Variants in FOXO1 observed in about 807,000 individuals in gnomAD.
The protein encoded by FOXO1 is forkhead box protein O1.
Under a neutral mutation model 44.1 loss-of-function variants are expected in FOXO1, and 6 were observed. The ratio of observed to expected loss-of-function variants is 0.14; its 90% CI spans 0.07 to 0.27. The LOEUF (loss-of-function observed/expected upper bound fraction) is 0.27, where lower values mean the gene tolerates loss of function less well. FOXO1 is among the 10% of genes least tolerant of loss of function. The pLI is 1.00. For missense variants in FOXO1, 737 were observed against 888.8 expected (o/e 0.83, Z 2.17); for synonymous variants, 380 against 362.7 (o/e 1.05, Z -0.54).
chr13:40,598,336 T>C (rs1211137673), intron 1 of FOXO1, among the ~76,000 whole-genome samples: 4 of 152,172 alleles, frequency 2.6e-5, no homozygotes, highest in African/African-American at 9.7e-5. Flanking sequence ...TCTGTTGATG[T>C]TGTTACTGTT....
At chr13:40,583,370 T>C (rs918739260) in intron 1 of FOXO1, among the ~76,000 whole-genome samples, 2 of 152,218 alleles carry the variant, frequency 1.3e-5, no homozygotes, top group Non-Finnish European at 2.9e-5. Context: ...ACCCCCCTAA[T>C]AAGAGAATCA....
intron 1 of FOXO1, among the ~76,000 whole-genome samples, chr13:40,664,371 C>T (rs909987158): frequency 6.6e-6 from 1 of 152,138 alleles, no homozygotes; most frequent in Non-Finnish European, 1.5e-5. Context: ...GGCCGCGCCA[C>T]GACTGGACCC....
intron 1 of FOXO1, among the ~76,000 whole-genome samples, chr13:40,623,780 A>AG (rs1041235411): frequency 2.6e-5 from 4 of 152,088 alleles, no homozygotes; most frequent in African/African-American, 9.7e-5. Flanking sequence ...ATAATGAGAA[A>AG]GGGGTCCAGT....
intron 1 of FOXO1, among the ~76,000 whole-genome samples, chr13:40,627,221 C>G (rs113943829): frequency 1.3e-5 from 2 of 152,322 alleles, no homozygotes; most frequent in African/African-American, 2.4e-5. Context: ...TCCTCCCCAC[C>G]ACCTGTATCC....
chr13:40,617,696 G>GA (rs796828582), intron 1 of FOXO1, among the ~76,000 whole-genome samples: 3 of 151,658 alleles, frequency 2.0e-5, no homozygotes, highest in African/African-American at 4.8e-5. Context: ...ATGTTGGGGG[G>GA]AAAAAAAATG....
At chr13:40,646,044 G>C (rs1166478099) in intron 1 of FOXO1, among the ~76,000 whole-genome samples, 4 of 148,184 alleles carry the variant, frequency 2.7e-5, no homozygotes, top group Non-Finnish European at 5.9e-5. Flanking sequence ...TCTAGCCTGG[G>C]CAACAAGAGG....
chr13:40,644,394 A>C (rs1429627236), intron 1 of FOXO1, among the ~76,000 whole-genome samples: 2 of 152,210 alleles, frequency 1.3e-5, no homozygotes, highest in East Asian at 3.8e-4. Context: ...TGAGGACTTT[A>C]CTGCCTCTAA....
chr13:40,561,943 C>CAAAAAAAA (rs60373589), intron 1 of FOXO1, among the ~76,000 whole-genome samples: 2 of 67,540 alleles, frequency 3.0e-5, no homozygotes, highest in Non-Finnish European at 6.2e-5. Context: ...ACTCTGTCGC[C>CAAAAAAAA]AAAAAAAAAA....
In FOXO1 at chr13:40,611,217, G is replaced by A. The variant is rs897580479; in HGVS notation, c.631-50357C>T. On this transcript the variant is annotated intron_variant, in intron 1 of 2. Coordinates refer to ENST00000379561, the MANE Select transcript of FOXO1 (RefSeq NM_002015.4). Reference sequence around the variant, plus strand: ...ATAAACAAGTTCTATGTGACCTCACGGCTTTTAGATATGATTTATGACACC... The same window carrying A: ...ATAAACAAGTTCTATGTGACCTCACAGCTTTTAGATATGATTTATGACACC... 2.9e-5 allele frequency: 9 copies of A among 308,198 alleles called. No individual in the cohort carries two copies. The East Asian group carries it at 3.2e-4, about 11-fold the overall frequency. 19.1% of individuals were successfully genotyped at this position (308,198 alleles called of 1,614,324 possible).
chr13:40,634,892 G>A (rs945386181), intron 1 of FOXO1, among the ~76,000 whole-genome samples: 1 of 152,034 alleles, frequency 6.6e-6, no homozygotes, highest in South Asian at 2.1e-4. Flanking sequence ...TGGCCAGGCT[G>A]GTCTCGAACT....
chr13:40,658,063 A>T (rs577565076), intron 1 of FOXO1, among the ~76,000 whole-genome samples: 8 of 152,348 alleles, frequency 5.3e-5, no homozygotes, highest in South Asian at 4.1e-4. Context: ...TATATATAAT[A>T]CACAGCAGCA....
chr13:40,616,694 TTG>T (rs1227324693), intron 1 of FOXO1, among the ~76,000 whole-genome samples: 1 of 152,094 alleles, frequency 6.6e-6, no homozygotes, highest in Non-Finnish European at 1.5e-5. Flanking sequence ...GGAGACGAAG[TTG>T]TGTTTCTCTG....
chr13:40,651,705 AAATATACATC>A lies in FOXO1; in HGVS notation c.630+13868_630+13877del, dbSNP rs1290720853. Among the ~76,000 whole-genome samples the A allele has an allele frequency of 3.3e-5, 5 of 151,284 alleles. No homozygotes were observed. The East Asian group carries it at 9.7e-4, about 29-fold the overall frequency. The stretch of plus-strand genomic sequence containing the variant: ...ATATTTATAACATAAATATACATCT[AAATATACATC>A]ATATTTATAATATAAATATAAGATT... On this transcript the variant is annotated intron_variant, in intron 1 of 2. Coordinates refer to ENST00000379561, the MANE Select transcript of FOXO1 (RefSeq NM_002015.4).
chr13:40,643,592 T>G (rs1401973147), intron 1 of FOXO1, among the ~76,000 whole-genome samples: 1 of 152,182 alleles, frequency 6.6e-6, no homozygotes, highest in Non-Finnish European at 1.5e-5. Context: ...AATATAAGTC[T>G]GCCAGAGCAC....
At position 40,664,592 on chromosome 13, in the gene FOXO1, T is replaced by A. The variant is rs545919026; in HGVS notation, c.630+991A>T. Among the ~76,000 whole-genome samples, 289 of 152,002 alleles carry A rather than the reference T, an allele frequency of 1.9e-3. 1 individual carries two copies. Among genetic ancestry groups the A allele is most frequent in the African/African-American group, 6.8e-3 (281 of 41,484 alleles). On this transcript the variant is annotated intron_variant, in intron 1 of 2. Coordinates refer to ENST00000379561, the MANE Select transcript of FOXO1 (RefSeq NM_002015.4). ...CAAAGCCCCCCCGCCTGGTCCTCCA[T>A]GCTCAAGAATAGGGTGGCAAGGCAG...
intron 1 of FOXO1, among the ~76,000 whole-genome samples, chr13:40,611,474 T>C (rs1020390668): frequency 2.0e-5 from 3 of 152,200 alleles, no homozygotes; most frequent in African/African-American, 7.2e-5. Context: ...GATAAAAATA[T>C]TCATCGCTTC....
intron 1 of FOXO1, among the ~76,000 whole-genome samples, chr13:40,576,504 T>G (rs1874751113): frequency 6.6e-6 from 1 of 152,202 alleles, no homozygotes; most frequent in Non-Finnish European, 1.5e-5. Context: ...TCTACATTGC[T>G]CTTGATAAGT....
In FOXO1 at chr13:40,613,137, A is replaced by G. The variant is rs1876295804; in HGVS notation, c.631-52277T>C. Among the ~76,000 whole-genome samples, 6 of 152,306 alleles carry G rather than the reference A, an allele frequency of 3.9e-5. No individual in the cohort carries two copies. The South Asian group carries it at 1.2e-3, about 32-fold the overall frequency. On this transcript the variant is annotated intron_variant, in intron 1 of 2. Transcript: ENST00000379561. Reference sequence around the variant, plus strand: ...TAAAAAAGAACACCTCATGCCTGTAAACCCCATCTCTCCATCAGGATTATC... The same window carrying G: ...TAAAAAAGAACACCTCATGCCTGTAGACCCCATCTCTCCATCAGGATTATC...
At chr13:40,586,692 G>A (rs1875179639) in intron 1 of FOXO1, among the ~76,000 whole-genome samples, 1 of 152,186 alleles carries the variant, frequency 6.6e-6, no homozygotes, top group African/African-American at 2.4e-5. Context: ...AATGATCATG[G>A]AATGCTAAAC....
Sources: allele counts gnomAD v4.1 joint callset (sites outside exome capture counted in the v4.1 genomes callset), GRCh38; gene constraint gnomAD v4.1.1; transcripts MANE v1.5; gene names NCBI Gene and HGNC (gene_info 2026-07-23, HGNC 2026-07-21).